The following NEK10 variants were observed in gnomAD, a reference collection of about 807,000 sequenced individuals.
NEK10 encodes NIMA related kinase 10.
In NEK10, 122 loss-of-function variants were observed where a neutral mutation model predicts 159.8. The observed-to-expected ratio is 0.76, with a 90% confidence interval of 0.66 to 0.89. The LOEUF is 0.89. Among genes scored for constraint, NEK10 ranks in the 40% least tolerant of loss-of-function variants. The pLI is 0.00. For synonymous variants in NEK10, 466 were observed against 457.1 expected (o/e 1.02, Z -0.25); for missense variants, 1,342 against 1,323.1 (o/e 1.01, Z -0.22).
intron 16 of NEK10, among the ~76,000 whole-genome samples, chr3:27,291,880 G>A (rs931580564): frequency 2.0e-5 from 3 of 152,102 alleles, no homozygotes; most frequent in Admixed American, 6.5e-5. Context: ...CTGACCTCGT[G>A]ATCCGCCCGT....
chr3:27,303,279 AG>A (rs2043975875), intron 12 of NEK10, among the ~76,000 whole-genome samples: 1 of 152,208 alleles, frequency 6.6e-6, no homozygotes, highest in Admixed American at 6.5e-5. Flanking sequence ...AAAAGAAGAA[AG>A]CTAGATTCAA....
At chr3:27,209,024 A>G (rs557651040) in intron 23 of NEK10, among the ~76,000 whole-genome samples, 2 of 152,218 alleles carry the variant, frequency 1.3e-5, no homozygotes, top group African/African-American at 2.4e-5. Flanking sequence ...CTATGCCACT[A>G]AAAGAAATTG....
Position 27,131,907 on chromosome 3 carries a change from A to G in NEK10, c.3054T>C (p.Pro1018=), listed in dbSNP as rs937231267. 2.5e-6 allele frequency: 4 copies of G among 1,596,956 alleles called. No homozygotes were observed. In the African/African-American group the frequency reaches 4.0e-5, roughly 16 times the overall value. Residue 1018 remains proline (P), a synonymous_variant, in exon 32 of 36, where the codon CCT becomes CCC. Transcript: ENST00000691995. The part of the protein sequence containing the change: ...KKSLFSQQSN[P]CNLKSEIKKL... ...TTTTAATTTCAGATTTCAAATTACAAGGGTTACTCTGCTGGCTGAAGAGGG... is the reference window on the plus strand; with the variant it reads ...TTTTAATTTCAGATTTCAAATTACAGGGGTTACTCTGCTGGCTGAAGAGGG...
At chr3:27,132,125 A>G in intron 31 of NEK10, 135 bp from the exon 32 acceptor site, 1 of 429,534 alleles carries the variant, frequency 2.3e-6, no homozygotes, top group East Asian at 3.4e-5. Flanking sequence ...TTTTACTGCA[A>G]ATAGCATGAC....
At chr3:27,128,596 G>A (rs951003109) in intron 32 of NEK10, among the ~76,000 whole-genome samples, 2 of 151,852 alleles carry the variant, frequency 1.3e-5, no homozygotes, top group Non-Finnish European at 2.9e-5. Context: ...AATATAATAA[G>A]CTGGTTACTT....
intron 22 of NEK10, among the ~76,000 whole-genome samples, chr3:27,280,872 TTATATGTGTGTGTG>T (rs1165191310): frequency 4.0e-5 from 6 of 151,414 alleles, no homozygotes; most frequent in Admixed American, 6.6e-5. Context: ...TATATATGTT[TTATATGTGTGTGTG>T]TATATGTGTG....
intron 32 of NEK10, among the ~76,000 whole-genome samples, chr3:27,122,806 G>C (rs1164158906): frequency 6.6e-6 from 1 of 152,100 alleles, no homozygotes; most frequent in African/African-American, 2.4e-5. Context: ...TTGTGACTTG[G>C]AGAGGTCAAG....
At chr3:27,255,764 T>G (rs1038165952) in intron 23 of NEK10, among the ~76,000 whole-genome samples, 1 of 152,216 alleles carries the variant, frequency 6.6e-6, no homozygotes, top group African/African-American at 2.4e-5. Flanking sequence ...AGCAATTTAC[T>G]TTGTAAACAT....
chr3:27,184,498 C>A (rs916212860), intron 26 of NEK10, among the ~76,000 whole-genome samples: 4 of 152,052 alleles, frequency 2.6e-5, no homozygotes, highest in Non-Finnish European at 4.4e-5. Flanking sequence ...TACACATGTG[C>A]CAAAAGCCAC....
rs140820163 is a variant in NEK10 at position 27,201,570 on chromosome 3, G to A, written c.2231C>T (p.Ala744Val). 9.9e-6 allele frequency: 16 copies of A among 1,613,218 alleles called. No individual in the cohort carries two copies. The highest frequency in any genetic ancestry group is 2.7e-5 in the African/African-American group (2 of 74,872). Residue 744 changes from alanine (A) to valine (V), a missense_variant, in exon 25 of 36, where the codon GCG becomes GTG. Transcript: ENST00000691995. ...MLSLATKIVEAVYEPVPEGIY... is the reference protein window; with the variant it reads ...MLSLATKIVEVVYEPVPEGIY... ...ACCTTCTGGGACTGGTTCATATACC[G>A]CCTCCACTATCTGCAAAACAAACAG...
rs781229190 is a variant in NEK10 at position 27,308,968 on chromosome 3, ACAT to A, written c.671_673del (p.Asn224_Val225delinsIle). 1 of 1,601,086 alleles carries A rather than the reference ACAT, an allele frequency of 6.2e-7. No homozygotes were observed. Among genetic ancestry groups the A allele is most frequent in the South Asian group, 1.1e-5 (1 of 90,118 alleles). The stretch of plus-strand genomic sequence containing the variant: ...CAGAGCCAGAAGGGAACCCAATAGA[ACAT>A]TAGTATCTCGGGCACCAAGTAAATT... On this transcript the variant is annotated inframe_deletion, in exon 10 of 36. Transcript: ENST00000691995.
At chr3:27,262,883 A>G (rs897344014) in intron 22 of NEK10, among the ~76,000 whole-genome samples, 2 of 152,190 alleles carry the variant, frequency 1.3e-5, no homozygotes, top group African/African-American at 4.8e-5. Context: ...GAGGAGCTGC[A>G]TTCCTTTGGA....
chr3:27,181,711 G>C (rs1284023242), intron 26 of NEK10, among the ~76,000 whole-genome samples: 2 of 151,998 alleles, frequency 1.3e-5, no homozygotes, highest in Non-Finnish European at 2.9e-5. Context: ...CTTAAATATA[G>C]TTTTATTTAT....
At chr3:27,156,931 TATATATATATATATA>T (rs1382533692) in intron 30 of NEK10, among the ~76,000 whole-genome samples, 1 of 5,302 alleles carries the variant, frequency 1.9e-4, no homozygotes, top group African/African-American at 2.0e-3. Context: ...AAGAAACTGA[TATATATATATATATA>T]TATATATATA....
intron 3 of NEK10, among the ~76,000 whole-genome samples, chr3:27,350,710 GA>G (rs572235311): frequency 6.5e-4 from 99 of 152,044 alleles, no homozygotes; most frequent in Admixed American, 1.4e-3. Context: ...GTTAAAGGGG[GA>G]AAAAAATCAC....
chr3:27,183,113 G>A (rs973387004), intron 26 of NEK10, among the ~76,000 whole-genome samples: 7 of 151,828 alleles, frequency 4.6e-5, no homozygotes, highest in African/African-American at 1.7e-4. Flanking sequence ...ATAAATGTTG[G>A]AGGTGGCTGA....
At chr3:27,116,421 G>A (rs1021358081) in intron 33 of NEK10, among the ~76,000 whole-genome samples, 1 of 152,068 alleles carries the variant, frequency 6.6e-6, no homozygotes, top group Admixed American at 6.6e-5. Flanking sequence ...TATGTGTTAA[G>A]GGCAAGTGAG....
At chr3:27,146,506 CAT>C (rs1167975850) in intron 30 of NEK10, among the ~76,000 whole-genome samples, 1 of 152,194 alleles carries the variant, frequency 6.6e-6, no homozygotes, top group Non-Finnish European at 1.5e-5. Flanking sequence ...CCAAAACACA[CAT>C]GAGCTTCTCT....
intron 5 of NEK10, among the ~76,000 whole-genome samples, chr3:27,324,253 A>G (rs2045858490): frequency 1.3e-5 from 2 of 152,172 alleles, no homozygotes; most frequent in South Asian, 4.1e-4. Flanking sequence ...GTCAGCTCCT[A>G]ATGTTGCTTC....
Sources: allele counts gnomAD v4.1 joint callset (sites outside exome capture counted in the v4.1 genomes callset), GRCh38; gene constraint gnomAD v4.1.1; transcripts MANE v1.5; gene names NCBI Gene and HGNC (gene_info 2026-07-23, HGNC 2026-07-21).